The following SCIN variants were observed in gnomAD, a reference collection of about 807,000 sequenced individuals.
SCIN encodes the protein adseverin.
SCIN carries 91 observed loss-of-function variants against 91.8 expected under a neutral mutation model. The ratio of observed to expected loss-of-function variants is 0.99; its 90% CI spans 0.84 to 1.18. The LOEUF is 1.18. SCIN is among the 50% of genes most tolerant of loss of function. The probability of loss-of-function intolerance (pLI) is 0.00; values close to 1 mark genes in which losing one functional copy is unlikely to be tolerated. For synonymous variants in SCIN, 367 were observed against 312.6 expected, an observed-to-expected ratio of 1.17 and a Z score of -1.84; for missense variants, 1,087 against 863.9, an observed-to-expected ratio of 1.26 and a Z score of -3.24.
intron 3 of SCIN, among the ~76,000 whole-genome samples, chr7:12,582,184 A>G (rs896808585): frequency 3.3e-5 from 5 of 152,212 alleles, no homozygotes; most frequent in African/African-American, 9.6e-5. Flanking sequence ...TGAAGGCAGG[A>G]TTAGACTCTC....
chr7:12,637,494 G>C (rs1783775344), intron 10 of SCIN, among the ~76,000 whole-genome samples: 1 of 151,814 alleles, frequency 6.6e-6, no homozygotes. Context: ...AGGGAGAAAG[G>C]GGAAAGAAAA....
At chr7:12,571,240 T>C (rs1782263877) in intron 1 of SCIN, 2 of 525,994 alleles carry the variant, frequency 3.8e-6, no homozygotes. Flanking sequence ...GTGTAGTTCC[T>C]GGACTTTGGA....
In SCIN at chr7:12,651,851, G is replaced by T. The variant is rs1200724175; in HGVS notation, c.1970G>T (p.Trp657Leu). ...TGTTTCATTTTTCAGATATTTATTTGGATTGGCAAAGATGCTAATGAAGTT... is the reference window on the plus strand; with the variant it reads ...TGTTTCATTTTTCAGATATTTATTTTGATTGGCAAAGATGCTAATGAAGTT... The part of the protein sequence containing the change: ...LLDAWEQIFI[W>L]IGKDANEVEK... The change falls in exon 15 of 16, where the codon TGG becomes TTG. Residue 657 changes from tryptophan (W) to leucine (L), a missense_variant. By Grantham distance (61) the Trp-to-Leu change is moderately conservative. Transcript: ENST00000297029. This position sits in a 1 kb window ranked among gnomAD's most constrained non-coding sequence, Gnocchi z 5.9. 4 of 1,589,298 alleles carry T rather than the reference G, an allele frequency of 2.5e-6. No homozygotes were observed. Among genetic ancestry groups the T allele is most frequent in the Non-Finnish European group, 3.4e-6 (4 of 1,162,872 alleles).
intron 11 of SCIN, among the ~76,000 whole-genome samples, chr7:12,642,283 C>T (rs577634538): frequency 3.3e-5 from 5 of 152,170 alleles, no homozygotes; most frequent in African/African-American, 9.6e-5. Flanking sequence ...CTGTCTTTCC[C>T]GTGCATTTAT....
intron 8 of SCIN, among the ~76,000 whole-genome samples, chr7:12,628,063 GTGTT>G (rs1783567135): frequency 2.1e-5 from 3 of 144,010 alleles, no homozygotes; most frequent in African/African-American, 7.6e-5. Context: ...GTGTGTGTGT[GTGTT>G]TGCTTGCATG....
At chr7:12,621,998 A>G (rs548242333) in intron 4 of SCIN, among the ~76,000 whole-genome samples, 22 of 151,860 alleles carry the variant, frequency 1.4e-4, no homozygotes, top group Non-Finnish European at 2.9e-4. Flanking sequence ...TTGAATTTAT[A>G]TCTATATTAT....
intron 13 of SCIN, among the ~76,000 whole-genome samples, chr7:12,646,266 A>G (rs1783963716): frequency 6.6e-6 from 1 of 152,218 alleles, no homozygotes; most frequent in African/African-American, 2.4e-5. Context: ...TTTATTTTTC[A>G]TGGTTCTGAA....
rs1290844749 is a variant in SCIN at position 12,657,570 on chromosome 7, ATATTTTTTTTTT to A, written c.*4857_*4868del. ...TATATATATATATATATATATATATATATTTTTTTTTTTTTTTTTTTTTTTTTTGCATTGGCA... is the reference window on the plus strand; with the variant it reads ...TATATATATATATATATATATATATATTTTTTTTTTTTTTTTGCATTGGCA... On this transcript the variant is annotated 3_prime_UTR_variant, in exon 16 of 16. Transcript: ENST00000297029. The A allele has an allele frequency of 3.8e-4, 8 of 20,852 alleles. No individual in the cohort carries two copies. Among genetic ancestry groups the A allele is most frequent in the Non-Finnish European group, 8.7e-4 (8 of 9,148 alleles). The allele number at this position is 20,852 out of a possible 1,614,324, so 1.3% of individuals were successfully genotyped here.
intron 1 of SCIN, among the ~76,000 whole-genome samples, chr7:12,575,313 T>A (rs1782348327): frequency 6.6e-6 from 1 of 151,748 alleles, no homozygotes; most frequent in South Asian, 2.1e-4. Flanking sequence ...GAGACCTTTT[T>A]ATTTCTTCAT....
intron 9 of SCIN, among the ~76,000 whole-genome samples, chr7:12,633,579 G>T (rs1240923848): frequency 1.3e-5 from 2 of 152,192 alleles, no homozygotes; most frequent in African/African-American, 2.4e-5. Context: ...GTGATGTTTT[G>T]CAGGTTTGCT....
rs765432393 is a variant in SCIN at position 12,625,796 on chromosome 7, AAT to A, written c.928_929del (p.Met310GlufsTer4). Reference sequence around the variant, plus strand: ...CTAATCCCCAAGAGAGGAAGGCTGCAATGAAGACAGCTGAAGAATTTCTACAG... The same window carrying A: ...CTAATCCCCAAGAGAGGAAGGCTGCAGAAGACAGCTGAAGAATTTCTACAG... Reference protein sequence around the residue: ...DANPQERKAAMKTAEEFLQQM... With the variant: ...DANPQERKAAXKTAEEFLQQM... On this transcript the variant is annotated frameshift_variant, in exon 7 of 16. Coordinates refer to ENST00000297029, the MANE Select transcript of SCIN (RefSeq NM_001112706.3). LOFTEE classifies it high-confidence loss of function. The A allele has an allele frequency of 1.5e-4, 245 of 1,612,740 alleles. No homozygotes were observed. Among genetic ancestry groups the A allele is most frequent in the Non-Finnish European group, 2.0e-4 (237 of 1,179,178 alleles).
At chr7:12,588,522 CCA>C (rs1197031200) in intron 3 of SCIN, among the ~76,000 whole-genome samples, 1 of 152,034 alleles carries the variant, frequency 6.6e-6, no homozygotes, top group Admixed American at 6.6e-5. Context: ...GGCTGCTTCA[CCA>C]CAGTCAAAGG....
rs1784207207 is a variant in SCIN at position 12,658,374 on chromosome 7, TG to T, written c.*5660del. ...TAGAAAGGTCAAAGGAAGAGGTGAA[TG>T]TGGGCAGGGTTTCACTGGAGTATTG... is the stretch of plus-strand genomic sequence containing the variant. On this transcript the variant is annotated 3_prime_UTR_variant, in exon 16 of 16. Transcript: ENST00000297029. The T allele has an allele frequency of 6.6e-6, 1 of 152,182 alleles. No homozygotes were observed. The highest frequency in any genetic ancestry group is 1.5e-5 in the Non-Finnish European group (1 of 68,044). The allele number at this position is 152,182 out of a possible 1,614,324, so 9.4% of individuals were successfully genotyped here.
At chr7:12,593,710 A>C (rs1405071622) in intron 3 of SCIN, among the ~76,000 whole-genome samples, 1 of 152,234 alleles carries the variant, frequency 6.6e-6, no homozygotes, top group East Asian at 1.9e-4. Context: ...TAAGGCCTGC[A>C]ATGAGGCAAG....
intron 4 of SCIN, among the ~76,000 whole-genome samples, chr7:12,614,291 CTTA>C (rs1783255896): frequency 6.6e-6 from 1 of 152,142 alleles, no homozygotes; most frequent in African/African-American, 2.4e-5. Flanking sequence ...AGTGCTTCTT[CTTA>C]TTAACACAGG....
At chr7:12,639,969 T>C (rs886961404) in intron 10 of SCIN, among the ~76,000 whole-genome samples, 2 of 152,206 alleles carry the variant, frequency 1.3e-5, no homozygotes, top group African/African-American at 4.8e-5. Flanking sequence ...TCTGTAAGTG[T>C]TACTGGTGCC....
intron 8 of SCIN, among the ~76,000 whole-genome samples, chr7:12,628,444 T>A (rs1783574999): frequency 6.6e-6 from 1 of 152,154 alleles, no homozygotes; most frequent in Admixed American, 6.5e-5. Flanking sequence ...GTTCATAGAC[T>A]TTTTGCTGCA....
intron 3 of SCIN, among the ~76,000 whole-genome samples, chr7:12,582,989 T>C (rs1011615532): frequency 6.6e-6 from 1 of 152,180 alleles, no homozygotes; most frequent in Non-Finnish European, 1.5e-5. Context: ...GTTGCTGTAC[T>C]CTGAGGTTCT....
intron 4 of SCIN, among the ~76,000 whole-genome samples, chr7:12,612,560 G>T (rs986995985): frequency 2.0e-5 from 3 of 151,982 alleles, no homozygotes; most frequent in Non-Finnish European, 4.4e-5. Context: ...CAGTGATAAG[G>T]AGTACCTGCC....
Sources: allele counts gnomAD v4.1 joint callset (sites outside exome capture counted in the v4.1 genomes callset), GRCh38; gene constraint gnomAD v4.1.1; non-coding constraint Gnocchi (gnomAD v3.1); transcripts MANE v1.5; gene names NCBI Gene and HGNC (gene_info 2026-07-23, HGNC 2026-07-21).